Variants in MEF2A observed in about 807,000 individuals in gnomAD.
MEF2A encodes myocyte-specific enhancer factor 2A.
A neutral mutation model predicts 55.8 loss-of-function variants in MEF2A; 28 were observed. The ratio of observed to expected loss-of-function variants is 0.50; its 90% confidence interval spans 0.37 to 0.69. The LOEUF is 0.69. MEF2A is among the 30% of genes least tolerant of loss of function. The pLI is 0.00. For missense variants in MEF2A, 528 were observed against 626.2 expected (o/e 0.84, Z 1.67); for synonymous variants, 239 against 227.1 (o/e 1.05, Z -0.47).
Position 99,671,587 on chromosome 15 carries a change from C to T in MEF2A, c.390+133C>T. The T allele has an allele frequency of 3.7e-6, 6 of 1,608,532 alleles. 1 individual carries two copies. The South Asian group carries it at 5.5e-5, about 15-fold the overall frequency. On this transcript the variant is annotated intron_variant, in intron 5 of 11. Coordinates refer to ENST00000557942, the MANE Select transcript of MEF2A (RefSeq NM_001319206.4). Reference sequence around the variant, plus strand: ...CCTGATACTTCATATGTGCTAACTCCACATACAGAAGAAAAATATAAAAAA... The same window carrying T: ...CCTGATACTTCATATGTGCTAACTCTACATACAGAAGAAAAATATAAAAAA...
intron 2 of MEF2A, among the ~76,000 whole-genome samples, chr15:99,630,468 C>T (rs1327492970): frequency 6.7e-6 from 1 of 149,992 alleles, no homozygotes; most frequent in Non-Finnish European, 1.5e-5. Context: ...CTTTTTAATT[C>T]CTTGAACATT....
intron 8 of MEF2A, among the ~76,000 whole-genome samples, chr15:99,700,571 C>T (rs1415338776): frequency 1.3e-5 from 2 of 152,078 alleles, no homozygotes; most frequent in African/African-American, 2.4e-5. Context: ...CATATATTTC[C>T]TAGCTCTGTT....
chr15:99,634,533 A>T (rs894033087), intron 3 of MEF2A, among the ~76,000 whole-genome samples: 2 of 152,186 alleles, frequency 1.3e-5, no homozygotes, highest in African/African-American at 4.8e-5. Flanking sequence ...TTGGGGAATA[A>T]CATACAAGCA....
chr15:99,667,092 GC>G (rs1316104515), intron 4 of MEF2A, among the ~76,000 whole-genome samples: 5 of 152,192 alleles, frequency 3.3e-5, no homozygotes, highest in African/African-American at 1.2e-4. Context: ...ACCAATACTT[GC>G]TCCAATAATA....
At chr15:99,585,211 G>T (rs1966859675) in intron 1 of MEF2A, among the ~76,000 whole-genome samples, 1 of 151,938 alleles carries the variant, frequency 6.6e-6, no homozygotes. Context: ...CTATTTTCAG[G>T]GTTAAGGTTA....
At chr15:99,700,328 A>G (rs1454064186) in intron 8 of MEF2A, among the ~76,000 whole-genome samples, 1 of 149,390 alleles carries the variant, frequency 6.7e-6, no homozygotes, top group Non-Finnish European at 1.5e-5. Context: ...CCTGGCCAAC[A>G]TGGCGAAACC....
In MEF2A at chr15:99,712,548, C is replaced by A. The variant is rs1052360469; in HGVS notation, c.1295C>A (p.Pro432Gln). The change falls in exon 12 of 12, where the codon CCA becomes CAA. Residue 432 changes from proline (P) to glutamine (Q), a missense_variant. Coordinates refer to ENST00000557942, the MANE Select transcript of MEF2A (RefSeq NM_001319206.4). This position sits in a 1 kb window ranked among gnomAD's most constrained non-coding sequence, Gnocchi z 4.1. Reference sequence around the variant, plus strand: ...CAGCAGCAGCAGCAGCCGCCGCCACCACCGCAGCCCCAGCCACAACCCCCG... The same window carrying A: ...CAGCAGCAGCAGCAGCCGCCGCCACAACCGCAGCCCCAGCCACAACCCCCG... ...QQQQQQQPPP[P>Q]PQPQPQPPQP... 6.4e-7 allele frequency: 1 copy of A among 1,551,042 alleles called. No homozygotes were observed. Among genetic ancestry groups the A allele is most frequent in the African/African-American group, 1.4e-5 (1 of 72,884 alleles).
Position 99,703,357 on chromosome 15 carries a change from T to A in MEF2A, c.859-5T>A, listed in dbSNP as rs759291960. The A allele has an allele frequency of 6.2e-7, 1 of 1,612,538 alleles. No homozygotes were observed. Among genetic ancestry groups the A allele is most frequent in the African/African-American group, 1.3e-5 (1 of 74,864 alleles). ...TCTCTTATCCCTCTTATGTGCTGAG[T>A]ACAGTCGGAGGAAGAGGAATTGGAG... On this transcript the variant is annotated splice_region_variant and splice_polypyrimidine_tract_variant and intron_variant, in intron 8 of 11. Coordinates refer to ENST00000557942, the MANE Select transcript of MEF2A (RefSeq NM_001319206.4).
chr15:99,568,888 A>G (rs1376385817), intron 1 of MEF2A, among the ~76,000 whole-genome samples: 1 of 152,224 alleles, frequency 6.6e-6, no homozygotes, highest in East Asian at 1.9e-4. Flanking sequence ...ATGCGATGAC[A>G]CTATGAGAAA....
At position 99,635,299 on chromosome 15, in the gene MEF2A, C is replaced by T. The variant is rs1037359571; in HGVS notation, c.54+2126C>T. Among the ~76,000 whole-genome samples, 11 of 152,250 alleles carry T rather than the reference C, an allele frequency of 7.2e-5. No homozygotes were observed. In the East Asian group the frequency reaches 1.9e-3, roughly 27 times the overall value. The stretch of plus-strand genomic sequence containing the variant: ...AGGTGTGAACTAGCAAGATAAAAAT[C>T]ACACTTCATTATTGGAACAGTACAC... On this transcript the variant is annotated intron_variant, in intron 3 of 11. Coordinates refer to ENST00000557942, the MANE Select transcript of MEF2A (RefSeq NM_001319206.4).
intron 1 of MEF2A, among the ~76,000 whole-genome samples, chr15:99,593,021 A>G (rs1274944600): frequency 6.6e-6 from 1 of 152,220 alleles, no homozygotes; most frequent in African/African-American, 2.4e-5. Flanking sequence ...ACAATATTGT[A>G]TTAAAATTAA....
intron 1 of MEF2A, among the ~76,000 whole-genome samples, chr15:99,566,831 G>A (rs1596148505): frequency 6.6e-6 from 1 of 152,180 alleles, no homozygotes. Context: ...CTGCGGTTGC[G>A]GACGCCCGAT....
chr15:99,594,531 G>A (rs557067937), intron 1 of MEF2A, among the ~76,000 whole-genome samples: 1 of 146,946 alleles, frequency 6.8e-6, no homozygotes, highest in South Asian at 2.1e-4. Flanking sequence ...TTGACCGTTG[G>A]TAATCAACTC....
At chr15:99,674,209 T>G (rs1403245484) in intron 5 of MEF2A, among the ~76,000 whole-genome samples, 184 bp from the exon 6 acceptor site, 1 of 152,078 alleles carries the variant, frequency 6.6e-6, no homozygotes, top group Non-Finnish European at 1.5e-5. Context: ...AAGGCTCATG[T>G]CAGTCATATT....
intron 2 of MEF2A, among the ~76,000 whole-genome samples, chr15:99,625,152 G>C (rs1026943873): frequency 1.3e-5 from 2 of 152,106 alleles, no homozygotes; most frequent in African/African-American, 4.8e-5. Context: ...TCAATTTATG[G>C]TGGGTTTATA....
intron 7 of MEF2A, among the ~76,000 whole-genome samples, chr15:99,687,084 CTTTTTTTTTTTTTTTTTT>C (rs71149484): frequency 3.0e-5 from 2 of 67,750 alleles, no homozygotes; most frequent in Non-Finnish European, 5.2e-5. Flanking sequence ...ATTAATTTTT[CTTTTTTTTTTTTTTTTTT>C]TTTTTTTGTA....
chr15:99,629,115 T>C (rs2042512076), intron 2 of MEF2A, among the ~76,000 whole-genome samples: 1 of 152,198 alleles, frequency 6.6e-6, no homozygotes, highest in Admixed American at 6.5e-5. Context: ...AGTTAATCTT[T>C]TTAAATTTTT....
chr15:99,628,343 G>T (rs139645926), intron 2 of MEF2A, among the ~76,000 whole-genome samples: 1 of 152,036 alleles, frequency 6.6e-6, no homozygotes, highest in African/African-American at 2.4e-5. Flanking sequence ...TATTTAAGAT[G>T]TGTCCTCTGT....
intron 8 of MEF2A, among the ~76,000 whole-genome samples, chr15:99,698,239 A>G (rs908163275): frequency 2.0e-5 from 3 of 152,196 alleles, no homozygotes; most frequent in African/African-American, 7.2e-5. Context: ...GTATAGGACA[A>G]CCTACAGATT....
Sources: gnomAD v4.1 joint callset for allele counts (sites outside exome capture counted in the v4.1 genomes callset) on GRCh38, gnomAD v4.1.1 for gene constraint, Gnocchi (gnomAD v3.1) non-coding constraint, MANE v1.5 for transcripts, NCBI Gene and HGNC (gene_info 2026-07-23, HGNC 2026-07-21) for gene names.